Variants in LUZP2 observed in about 807,000 individuals in gnomAD.
LUZP2 encodes leucine zipper protein 2.
In LUZP2, 52 loss-of-function variants were observed where a neutral mutation model predicts 51.6. The observed-to-expected ratio is 1.01, with a 90% CI of 0.81 to 1.27. LUZP2 has a LOEUF of 1.27. LUZP2 is among the 50% of genes most tolerant of loss of function. LUZP2 has a pLI of 0.00. For missense variants in LUZP2, 436 were observed against 395.4 expected (o/e 1.10, Z -0.87); for synonymous variants, 154 against 137.3 (o/e 1.12, Z -0.85).
At chr11:24,642,787 G>A (rs905016564) in intron 1 of LUZP2, among the ~76,000 whole-genome samples, 11 of 149,426 alleles carry the variant, frequency 7.4e-5, no homozygotes, top group Non-Finnish European at 1.5e-4. Flanking sequence ...TTGCCAAGTA[G>A]CAGGGTGGAA....
chr11:24,573,501 G>A (rs2061534010), intron 1 of LUZP2, among the ~76,000 whole-genome samples: 1 of 149,692 alleles, frequency 6.7e-6, no homozygotes, highest in Non-Finnish European at 1.5e-5. Flanking sequence ...CTGCAAATGG[G>A]TCCTCAGCAG....
intron 1 of LUZP2, among the ~76,000 whole-genome samples, chr11:24,630,889 A>C (rs1189825540): frequency 6.6e-6 from 1 of 151,480 alleles, no homozygotes; most frequent in African/African-American, 2.4e-5. Context: ...GTGCTTTATA[A>C]GTTTCTTTTT....
intron 5 of LUZP2, among the ~76,000 whole-genome samples, chr11:24,887,456 G>A (rs1321150500): frequency 2.0e-5 from 3 of 152,076 alleles, no homozygotes; most frequent in Admixed American, 2.0e-4. Flanking sequence ...AATAAGGTGT[G>A]GGTTATTTTA....
intron 1 of LUZP2, among the ~76,000 whole-genome samples, chr11:24,724,922 A>C (rs1858415454): frequency 6.6e-6 from 1 of 152,218 alleles, no homozygotes; most frequent in Non-Finnish European, 1.5e-5. Context: ...AGTAGCAATA[A>C]GTCTAACAAA....
At chr11:24,603,851 G>T (rs1374626794) in intron 1 of LUZP2, among the ~76,000 whole-genome samples, 2 of 151,552 alleles carry the variant, frequency 1.3e-5, no homozygotes. Flanking sequence ...GGAATACAGG[G>T]TTTATAATCA....
At chr11:24,566,543 T>C (rs998903042) in intron 1 of LUZP2, among the ~76,000 whole-genome samples, 2 of 142,774 alleles carry the variant, frequency 1.4e-5, no homozygotes, top group South Asian at 4.8e-4. Flanking sequence ...TACACATATG[T>C]ATATATATAT....
At chr11:24,880,768 G>A (rs1852436527) in intron 5 of LUZP2, among the ~76,000 whole-genome samples, 1 of 152,062 alleles carries the variant, frequency 6.6e-6, no homozygotes, top group Non-Finnish European at 1.5e-5. Context: ...GTGTATGTGT[G>A]TGTGTATGTG....
chr11:24,578,754 G>C (rs951655031), intron 1 of LUZP2, among the ~76,000 whole-genome samples: 14 of 152,012 alleles, frequency 9.2e-5, no homozygotes, highest in Non-Finnish European at 1.9e-4. Flanking sequence ...CATAGAGACA[G>C]AAACAATAGA....
chr11:24,776,719 T>C (rs530314985), intron 5 of LUZP2, among the ~76,000 whole-genome samples: 1 of 152,284 alleles, frequency 6.6e-6, no homozygotes, highest in African/African-American at 2.4e-5. Context: ...TCATCTTTTA[T>C]ATTTACTTAC....
intron 4 of LUZP2, 124 bp downstream of exon 4, chr11:24,738,426 C>T: frequency 1.5e-6 from 1 of 675,548 alleles, no homozygotes; most frequent in Non-Finnish European, 2.6e-6. Context: ...ATAAAAGAAG[C>T]ATCAGTCAAT....
chr11:25,034,958 C>G (rs1476291143), intron 9 of LUZP2, among the ~76,000 whole-genome samples: 1 of 151,998 alleles, frequency 6.6e-6, no homozygotes, highest in East Asian at 1.9e-4. Flanking sequence ...TCAATAGATA[C>G]AGAAAAAGCT....
rs557155490 is a variant in LUZP2 at position 24,535,900 on chromosome 11, A to C, written c.62+38595A>C. 7.2e-5 allele frequency among the ~76,000 whole-genome samples: 11 copies of C among 151,812 alleles called. No homozygotes were observed. In the South Asian group the frequency reaches 2.3e-3, roughly 31 times the overall value. On this transcript the variant is annotated intron_variant, in intron 1 of 11. Transcript: ENST00000336930. ...TGTCTATGGCAATTATAGTCTTATA[A>C]AATGTTTTTTTTAAATAATAAGACT...
intron 1 of LUZP2, among the ~76,000 whole-genome samples, chr11:24,501,017 T>G (rs72869891): frequency 2.6e-5 from 4 of 152,076 alleles, no homozygotes; most frequent in African/African-American, 4.8e-5. Context: ...CCAAATAAAT[T>G]TGATGCAAGA....
At chr11:24,753,215 A>G (rs1023382076) in intron 4 of LUZP2, among the ~76,000 whole-genome samples, 2 of 152,160 alleles carry the variant, frequency 1.3e-5, no homozygotes, top group Non-Finnish European at 2.9e-5. Context: ...ATTTTATTTT[A>G]TTTTACATCC....
At chr11:24,718,852 G>T (rs1434199701) in intron 1 of LUZP2, among the ~76,000 whole-genome samples, 7 of 152,218 alleles carry the variant, frequency 4.6e-5, no homozygotes, top group African/African-American at 1.7e-4. Flanking sequence ...TGTGTGGGAA[G>T]TTCTTAAATA....
intron 5 of LUZP2, among the ~76,000 whole-genome samples, chr11:24,826,190 A>AATATATATATATATATATAT (rs1158935544): frequency 7.4e-5 from 5 of 67,540 alleles, no homozygotes; most frequent in African/African-American, 1.8e-4. Flanking sequence ...AAAAAAAAAA[A>AATATATATATATATATATAT]ATATATATAT....
chr11:24,965,874 T>C (rs955966878), intron 7 of LUZP2, among the ~76,000 whole-genome samples: 5 of 151,756 alleles, frequency 3.3e-5, no homozygotes, highest in African/African-American at 9.7e-5. Flanking sequence ...TTCCTTTAGA[T>C]AGAGGGAACA....
intron 7 of LUZP2, among the ~76,000 whole-genome samples, chr11:24,919,639 T>C (rs545559805): frequency 4.2e-4 from 63 of 148,552 alleles, no homozygotes; most frequent in African/African-American, 1.5e-3. Context: ...CTTTCACTTA[T>C]GTGTAGGTAT....
intron 1 of LUZP2, among the ~76,000 whole-genome samples, chr11:24,543,271 C>G (rs1226533626): frequency 3.3e-5 from 5 of 152,018 alleles, no homozygotes; most frequent in African/African-American, 1.2e-4. Flanking sequence ...CTCCAGATAA[C>G]TTAGCAACCC....
Sources: gnomAD v4.1 joint callset for allele counts (sites outside exome capture counted in the v4.1 genomes callset) on GRCh38, gnomAD v4.1.1 for gene constraint, MANE v1.5 for transcripts, NCBI Gene and HGNC (gene_info 2026-07-23, HGNC 2026-07-21) for gene names.